ST6GALNAC3: variants seen among roughly 807,000 people sequenced by gnomAD.
ST6GALNAC3 encodes alpha-N-acetylgalactosaminide alpha-2,6-sialyltransferase 3.
A neutral mutation model predicts 32.7 loss-of-function variants in ST6GALNAC3; 25 were observed. The ratio of observed to expected loss-of-function variants is 0.76; its 90% CI spans 0.56 to 1.07. ST6GALNAC3 has a LOEUF of 1.07. ST6GALNAC3 is among the 50% of genes least tolerant of loss of function. ST6GALNAC3 has a pLI of 0.00. For synonymous variants in ST6GALNAC3, 129 were observed against 133.1 expected, an observed-to-expected ratio of 0.97 and a Z score of 0.21; for missense variants, 355 against 382.4, an observed-to-expected ratio of 0.93 and a Z score of 0.60.
intron 3 of ST6GALNAC3, among the ~76,000 whole-genome samples, chr1:76,597,202 G>T (rs1264302071): frequency 6.6e-6 from 1 of 152,100 alleles, no homozygotes; most frequent in African/African-American, 2.4e-5. Context: ...ACAGAGAGCC[G>T]AGGAATTCCA....
intron 3 of ST6GALNAC3, among the ~76,000 whole-genome samples, chr1:76,451,494 T>C (rs1298787961): frequency 1.3e-5 from 2 of 152,168 alleles, no homozygotes; most frequent in Non-Finnish European, 2.9e-5. Context: ...ATGGGCACTA[T>C]AATTCAAGAT....
intron 3 of ST6GALNAC3, among the ~76,000 whole-genome samples, chr1:76,462,054 C>G (rs914539136): frequency 6.6e-6 from 1 of 152,042 alleles, no homozygotes; most frequent in Non-Finnish European, 1.5e-5. Context: ...CCTTGGCACC[C>G]TGTACGTGCT....
At chr1:76,602,038 A>AGTC (rs2100633342) in intron 3 of ST6GALNAC3, among the ~76,000 whole-genome samples, 1 of 152,296 alleles carries the variant, frequency 6.6e-6, no homozygotes, top group East Asian at 1.9e-4. Context: ...ACTCTGAAAT[A>AGTC]GTCTCTAATT....
chr1:76,598,836 A>C (rs1184736698), intron 3 of ST6GALNAC3, among the ~76,000 whole-genome samples: 1 of 152,196 alleles, frequency 6.6e-6, no homozygotes, highest in African/African-American at 2.4e-5. Flanking sequence ...CAGTAGTACC[A>C]ATGTCTACCA....
At chr1:76,563,871 C>T (rs1227349238) in intron 3 of ST6GALNAC3, among the ~76,000 whole-genome samples, 1 of 152,162 alleles carries the variant, frequency 6.6e-6, no homozygotes, top group Non-Finnish European at 1.5e-5. Flanking sequence ...GCTACTTTGG[C>T]TAATAGGCAG....
chr1:76,554,232 C>T (rs1385680637), intron 3 of ST6GALNAC3, among the ~76,000 whole-genome samples: 3 of 152,134 alleles, frequency 2.0e-5, no homozygotes, highest in Non-Finnish European at 2.9e-5. Flanking sequence ...ACTAAATCTA[C>T]ACCTTTATGG....
chr1:76,100,667 T>G (rs1240170513), intron 1 of ST6GALNAC3, among the ~76,000 whole-genome samples: 1 of 152,184 alleles, frequency 6.6e-6, no homozygotes, highest in Non-Finnish European at 1.5e-5. Flanking sequence ...CATGTCAGGT[T>G]TTGGTTATCG....
At chr1:76,179,174 C>T (rs542770737) in intron 1 of ST6GALNAC3, among the ~76,000 whole-genome samples, 26 of 152,228 alleles carry the variant, frequency 1.7e-4, no homozygotes, top group South Asian at 1.0e-3. Flanking sequence ...CAAGATGGGT[C>T]GGAATTGAAT....
At chr1:76,376,472 C>A (rs1651243846) in intron 2 of ST6GALNAC3, among the ~76,000 whole-genome samples, 1 of 152,164 alleles carries the variant, frequency 6.6e-6, no homozygotes, top group Non-Finnish European at 1.5e-5. Context: ...TCCTTCTCTC[C>A]CCTCCTTACT....
At chr1:76,267,133 GCT>G (rs1658577612) in intron 1 of ST6GALNAC3, among the ~76,000 whole-genome samples, 1 of 152,116 alleles carries the variant, frequency 6.6e-6, no homozygotes, top group Non-Finnish European at 1.5e-5. Context: ...GCCAATTTGC[GCT>G]CTCTTTCCTA....
chr1:76,592,014 T>C (rs1647055913), intron 3 of ST6GALNAC3, among the ~76,000 whole-genome samples: 1 of 152,068 alleles, frequency 6.6e-6, no homozygotes. Context: ...TGGCCAGAAA[T>C]GTAAAGAGAG....
chr1:76,250,397 A>C (rs1402027590), intron 1 of ST6GALNAC3, among the ~76,000 whole-genome samples: 1 of 152,198 alleles, frequency 6.6e-6, no homozygotes, highest in African/African-American at 2.4e-5. Context: ...TTAATTGGAC[A>C]TTCCTCACCC....
intron 1 of ST6GALNAC3, among the ~76,000 whole-genome samples, chr1:76,169,645 G>C (rs11162092): frequency 0.52 from 78,893 of 151,924 alleles, 23,550 homozygotes; most frequent in East Asian, 0.89. Context: ...CAGACATTTT[G>C]TTCATTCATT....
rs150402190 is a variant in ST6GALNAC3 at position 76,586,232 on chromosome 1, T to G, written c.624-41220T>G. Among the ~76,000 whole-genome samples, 910 of 152,340 alleles carry G rather than the reference T, an allele frequency of 6.0e-3. 10 individuals carry two copies. The highest frequency in any genetic ancestry group is 0.035 in the Admixed American group (532 of 15,296). On this transcript the variant is annotated intron_variant, in intron 3 of 4. Transcript: ENST00000328299. The stretch of plus-strand genomic sequence containing the variant: ...GAAGTCTGAATGTTGAGATGTACTG[T>G]GTCAACATTGAAATTTAATTACTGT...
intron 1 of ST6GALNAC3, among the ~76,000 whole-genome samples, chr1:76,218,195 T>G (rs1655578376): frequency 6.6e-6 from 1 of 152,186 alleles, no homozygotes; most frequent in African/African-American, 2.4e-5. Context: ...TTTGATTTTT[T>G]TGATTATGGC....
intron 2 of ST6GALNAC3, among the ~76,000 whole-genome samples, chr1:76,355,592 A>G (rs1649372814): frequency 6.6e-6 from 1 of 152,210 alleles, no homozygotes. Context: ...CCCACTCTGT[A>G]TCAGAAAAAA....
intron 3 of ST6GALNAC3, among the ~76,000 whole-genome samples, chr1:76,510,990 C>G (rs1661820123): frequency 6.6e-6 from 1 of 152,094 alleles, no homozygotes; most frequent in Non-Finnish European, 1.5e-5. Flanking sequence ...TGGGGACTAT[C>G]TGTATGTATT....
At chr1:76,151,430 C>A (rs1172048593) in intron 1 of ST6GALNAC3, among the ~76,000 whole-genome samples, 1 of 152,194 alleles carries the variant, frequency 6.6e-6, no homozygotes, top group East Asian at 1.9e-4. Context: ...GAAAGGCATA[C>A]AAATCACCCC....
At chr1:76,184,329 A>G (rs1304118535) in intron 1 of ST6GALNAC3, among the ~76,000 whole-genome samples, 1 of 152,138 alleles carries the variant, frequency 6.6e-6, no homozygotes, top group Non-Finnish European at 1.5e-5. Flanking sequence ...ATTTGAGGTC[A>G]GGAGTTCAAG....
Sources: allele counts gnomAD v4.1 joint callset (sites outside exome capture counted in the v4.1 genomes callset), GRCh38; gene constraint gnomAD v4.1.1; transcripts MANE v1.5; gene names NCBI Gene and HGNC (gene_info 2026-07-23, HGNC 2026-07-21).